The following PEAK1 variants were observed in gnomAD, a reference collection of about 807,000 sequenced individuals.
PEAK1 encodes inactive tyrosine-protein kinase PEAK1.
PEAK1 carries 54 observed loss-of-function variants against 124.7 expected under a neutral mutation model. That is an observed-to-expected ratio of 0.43 (90% CI 0.35 to 0.54). The LOEUF is 0.54. Among genes scored for constraint, PEAK1 ranks in the 20% least tolerant of loss-of-function variants. PEAK1 has a pLI of 0.01. For missense variants in PEAK1, 2,046 were observed against 2,134.5 expected (o/e 0.96, Z 0.82); for synonymous variants, 719 against 760.0 (o/e 0.95, Z 0.89).
At chr15:77,204,394 T>G (rs1192111677) in intron 6 of PEAK1, among the ~76,000 whole-genome samples, 1 of 152,198 alleles carries the variant, frequency 6.6e-6, no homozygotes, top group Admixed American at 6.5e-5. Flanking sequence ...TCATACTTCT[T>G]GGCATTTACC....
At chr15:77,245,698 C>T (rs1055192309) in intron 6 of PEAK1, among the ~76,000 whole-genome samples, 10 of 151,190 alleles carry the variant, frequency 6.6e-5, no homozygotes, top group Admixed American at 4.0e-4. Flanking sequence ...AGTGAGACTC[C>T]GTCTCAAAAA....
In PEAK1 at chr15:77,179,831, C is replaced by G; in HGVS notation, c.2096G>C (p.Arg699Thr). The change falls in exon 7 of 10, where the codon AGG (arginine) becomes ACG (threonine). Residue 699 changes from arginine to threonine, a missense_variant. Transcript: ENST00000682557. The part of the protein sequence containing the change: ...KGFSNSTEHK[R>T]GSVAQKVQEF... Reference sequence around the variant, plus strand: ...TTGAACCTTCTGAGCCACTGAGCCCCTTTTATGCTCTGTGCTGTTTGAAAA... The same window carrying G: ...TTGAACCTTCTGAGCCACTGAGCCCGTTTTATGCTCTGTGCTGTTTGAAAA... The G allele has an allele frequency of 6.2e-7, 1 of 1,614,120 alleles. No individual in the cohort carries two copies. The highest frequency in any genetic ancestry group is 8.5e-7 in the Non-Finnish European group (1 of 1,180,014).
At chr15:77,128,705 C>T (rs1287963315) in intron 9 of PEAK1, among the ~76,000 whole-genome samples, 1 of 152,194 alleles carries the variant, frequency 6.6e-6, no homozygotes, top group Non-Finnish European at 1.5e-5. Context: ...AATGTCTATC[C>T]TATGCCTGTT....
chr15:77,324,456 G>T (rs1178364819), intron 2 of PEAK1, among the ~76,000 whole-genome samples: 4 of 152,174 alleles, frequency 2.6e-5, no homozygotes, highest in African/African-American at 9.7e-5. Flanking sequence ...GCGACAGAGT[G>T]AGACTCTGTC....
intron 2 of PEAK1, among the ~76,000 whole-genome samples, chr15:77,299,108 A>G (rs1451024868): frequency 6.6e-6 from 1 of 152,234 alleles, no homozygotes; most frequent in Non-Finnish European, 1.5e-5. Flanking sequence ...AAGGTTATTT[A>G]TAAGATTCTT....
chr15:77,169,968 G>A (rs1006307109), intron 7 of PEAK1, among the ~76,000 whole-genome samples: 1 of 152,142 alleles, frequency 6.6e-6, no homozygotes, highest in Non-Finnish European at 1.5e-5. Context: ...GTGGAAAATT[G>A]CACATGATTC....
intron 6 of PEAK1, among the ~76,000 whole-genome samples, chr15:77,237,760 C>T (rs1000494436): frequency 6.6e-6 from 1 of 152,040 alleles, no homozygotes; most frequent in Admixed American, 6.6e-5. Context: ...AGCTATATTG[C>T]TAAGTGAATT....
intron 2 of PEAK1, among the ~76,000 whole-genome samples, chr15:77,288,357 A>G (rs1279713476): frequency 1.3e-5 from 2 of 152,152 alleles, no homozygotes; most frequent in Non-Finnish European, 2.9e-5. Context: ...CCTTCCACAC[A>G]TAGGAAATTC....
At chr15:77,322,215 C>T (rs1468755563) in intron 2 of PEAK1, among the ~76,000 whole-genome samples, 4 of 151,964 alleles carry the variant, frequency 2.6e-5, no homozygotes, top group South Asian at 4.1e-4. Context: ...CACAATTAAA[C>T]GAACTAGAGA....
chr15:77,326,612 T>C (rs1160730423), intron 2 of PEAK1, among the ~76,000 whole-genome samples: 2 of 152,144 alleles, frequency 1.3e-5, no homozygotes, highest in East Asian at 1.9e-4. Context: ...GCCTGACTTG[T>C]AATCTAAGAG....
chr15:77,106,898 A>G (rs933131612), downstream of PEAK1: 2 of 152,200 alleles, frequency 1.3e-5, no homozygotes, highest in East Asian at 1.9e-4. Context: ...GGCCCAGGAA[A>G]GGTCTAGGCA....
intron 7 of PEAK1, chr15:77,177,808 G>A (rs1469810919): frequency 6.6e-6 from 1 of 152,068 alleles, no homozygotes; most frequent in Non-Finnish European, 1.5e-5. Flanking sequence ...ATATAAATAA[G>A]AAAGAAAAAC....
At chr15:77,260,715 C>A (rs573596623) in intron 5 of PEAK1, among the ~76,000 whole-genome samples, 1 of 152,192 alleles carries the variant, frequency 6.6e-6, no homozygotes, top group Admixed American at 6.5e-5. Flanking sequence ...CAGCTCCCAG[C>A]GTGAGCGACA....
At chr15:77,243,226 G>T (rs753621182) in intron 6 of PEAK1, among the ~76,000 whole-genome samples, 15 of 152,136 alleles carry the variant, frequency 9.9e-5, no homozygotes, top group Non-Finnish European at 2.1e-4. Flanking sequence ...ACTAAAGCAG[G>T]AGCATATTTT....
chr15:77,278,518 G>T, intron 5 of PEAK1: 3 of 494,676 alleles, frequency 6.1e-6, no homozygotes. Context: ...CCAAAGTGAG[G>T]GACAAACCAC....
At chr15:77,119,443 T>C (rs1270721916) in intron 9 of PEAK1, among the ~76,000 whole-genome samples, 2 of 152,200 alleles carry the variant, frequency 1.3e-5, no homozygotes, top group Non-Finnish European at 2.9e-5. Flanking sequence ...TTCAAACAAG[T>C]ATCTCATGGC....
chr15:77,341,871 TATGGGG>T (rs1235627530), intron 2 of PEAK1, among the ~76,000 whole-genome samples: 2 of 152,140 alleles, frequency 1.3e-5, no homozygotes, highest in Non-Finnish European at 2.9e-5. Context: ...GGAAACTGTG[TATGGGG>T]ATGGGGAGCT....
intron 7 of PEAK1, among the ~76,000 whole-genome samples, chr15:77,168,684 T>C (rs868434629): frequency 1.3e-5 from 2 of 152,194 alleles, no homozygotes; most frequent in African/African-American, 4.8e-5. Flanking sequence ...AGTTTAGCTA[T>C]GTAAGGTCTT....
In PEAK1 at chr15:77,283,923, CTTTCATA is replaced by C; in HGVS notation, c.-322_-316del. The C allele has an allele frequency of 7.1e-6, 7 of 982,366 alleles. No homozygotes were observed. Among genetic ancestry groups the C allele is most frequent in the Non-Finnish European group, 6.0e-6 (5 of 827,168 alleles). 60.9% of individuals were successfully genotyped at this position (982,366 alleles called of 1,614,324 possible). On this transcript the variant is annotated 5_prime_UTR_variant, in exon 5 of 10. The change abolishes an upstream ATG in the 5' untranslated region. Transcript: ENST00000682557. ...ATTTATATAGCTGTAGTCATTACTA[CTTTCATA>C]TTAGAAAATGTTTGTTTCTCCTTCT... is the stretch of plus-strand genomic sequence containing the variant.
Sources: gnomAD v4.1 joint callset for allele counts (sites outside exome capture counted in the v4.1 genomes callset) on GRCh38, gnomAD v4.1.1 for gene constraint, MANE v1.5 for transcripts, NCBI Gene and HGNC (gene_info 2026-07-23, HGNC 2026-07-21) for gene names.